The following EBF1 variants were observed in gnomAD, a reference collection of about 807,000 sequenced individuals.
The protein encoded by EBF1 is EBF transcription factor 1, also known as transcription factor COE1.
A neutral mutation model predicts 68.4 loss-of-function variants in EBF1; 10 were observed. The ratio of observed to expected loss-of-function variants is 0.15; its 90% CI spans 0.09 to 0.25. The LOEUF (loss-of-function observed/expected upper bound fraction) is 0.25. EBF1 is among the 10% of genes least tolerant of loss of function. The pLI is 1.00. For missense variants in EBF1, 509 were observed against 794.4 expected (o/e 0.64, Z 4.32); for synonymous variants, 298 against 299.8 (o/e 0.99, Z 0.06).
chr5:158,911,491 A>G (rs1008382632), intron 6 of EBF1, among the ~76,000 whole-genome samples: 3 of 152,136 alleles, frequency 2.0e-5, no homozygotes, highest in East Asian at 3.8e-4. Context: ...GTTTTTAATC[A>G]TCTATCATCC....
intron 5 of EBF1, among the ~76,000 whole-genome samples, chr5:159,084,155 A>C (rs991088269): frequency 2.0e-5 from 3 of 151,946 alleles, no homozygotes; most frequent in African/African-American, 7.3e-5. Context: ...ATAAGAGGTG[A>C]GATGCAAGAG....
intron 6 of EBF1, among the ~76,000 whole-genome samples, chr5:158,960,632 G>A (rs1817995091): frequency 6.6e-6 from 1 of 152,210 alleles, no homozygotes; most frequent in East Asian, 1.9e-4. Flanking sequence ...TCTTCAAGAG[G>A]TGGAACTTCG....
intron 9 of EBF1, among the ~76,000 whole-genome samples, chr5:158,786,015 ATT>A: frequency 6.6e-6 from 1 of 152,328 alleles, no homozygotes; most frequent in Middle Eastern, 3.4e-3. Context: ...ATACTTGAAC[ATT>A]GAATGAATAA....
intron 8 of EBF1, among the ~76,000 whole-genome samples, chr5:158,811,463 G>T (rs1782652567): frequency 6.6e-6 from 1 of 152,182 alleles, no homozygotes; most frequent in Non-Finnish European, 1.5e-5. Flanking sequence ...AGATTCAAAA[G>T]CTGCAGATAA....
At chr5:158,873,406 C>T (rs532098787) in intron 6 of EBF1, among the ~76,000 whole-genome samples, 1 of 152,110 alleles carries the variant, frequency 6.6e-6, no homozygotes, top group African/African-American at 2.4e-5. Flanking sequence ...CCACAGTGTT[C>T]CCTGAACTTC....
chr5:158,990,404 A>T (rs1760084961), intron 6 of EBF1, among the ~76,000 whole-genome samples: 1 of 152,196 alleles, frequency 6.6e-6, no homozygotes, highest in East Asian at 1.9e-4. Flanking sequence ...GGAGGAATGG[A>T]TTAGAGGAGG....
chr5:159,064,540 G>T (rs771481396), intron 6 of EBF1, among the ~76,000 whole-genome samples: 1 of 152,094 alleles, frequency 6.6e-6, no homozygotes, highest in South Asian at 2.1e-4. Flanking sequence ...GCTCTAAAAC[G>T]CTGGAAGTGC....
intron 6 of EBF1, among the ~76,000 whole-genome samples, chr5:158,928,130 C>T (rs1810067173): frequency 6.6e-6 from 1 of 152,168 alleles, no homozygotes; most frequent in African/African-American, 2.4e-5. Flanking sequence ...GTGTCAGATA[C>T]ATAAGGGTTC....
intron 6 of EBF1, among the ~76,000 whole-genome samples, chr5:158,886,163 C>T (rs1435509132): frequency 6.6e-6 from 1 of 152,208 alleles, no homozygotes; most frequent in Non-Finnish European, 1.5e-5. Context: ...GTCTATGCAG[C>T]CTGTTAGAAG....
At chr5:158,928,395 T>C (rs1343330314) in intron 6 of EBF1, among the ~76,000 whole-genome samples, 1 of 152,210 alleles carries the variant, frequency 6.6e-6, no homozygotes, top group East Asian at 1.9e-4. Flanking sequence ...CTTATCACAT[T>C]CAGCTTTAAA....
intron 6 of EBF1, among the ~76,000 whole-genome samples, chr5:158,955,586 C>G (rs887732505): frequency 6.6e-6 from 1 of 152,214 alleles, no homozygotes; most frequent in Non-Finnish European, 1.5e-5. Context: ...CCATCCCATT[C>G]TTAATTGTCA....
Position 158,698,681 on chromosome 5 carries a change from T to A in EBF1, c.*430A>T. The A allele has an allele frequency of 4.7e-6, 1 of 212,414 alleles. No homozygotes were observed. 13.2% of individuals were successfully genotyped at this position (212,414 alleles called of 1,614,324 possible). A position where few individuals can be genotyped will look rare whatever the true frequency, so the allele number is the denominator to read the frequency against. On this transcript the variant is annotated 3_prime_UTR_variant, in exon 16 of 16. Transcript: ENST00000313708. ...TTTTTTTCTTTTTTTTTTTTTTTACTTTTTTGTAAATATCACCACTTCATT... is the reference window on the plus strand; with the variant it reads ...TTTTTTTCTTTTTTTTTTTTTTTACATTTTTGTAAATATCACCACTTCATT...
At chr5:158,744,967 A>C (rs887938891) in intron 10 of EBF1, among the ~76,000 whole-genome samples, 2 of 152,212 alleles carry the variant, frequency 1.3e-5, no homozygotes, top group African/African-American at 2.4e-5. Context: ...TTAATGACTT[A>C]AGGTACCCAG....
At chr5:159,022,308 C>T (rs1006865574) in intron 6 of EBF1, among the ~76,000 whole-genome samples, 3 of 152,198 alleles carry the variant, frequency 2.0e-5, no homozygotes, top group East Asian at 1.9e-4. Context: ...CTGATGGCTA[C>T]CCGGCCGCCT....
chr5:158,948,037 T>C (rs1291030724), intron 6 of EBF1, among the ~76,000 whole-genome samples: 1 of 152,170 alleles, frequency 6.6e-6, no homozygotes, highest in Non-Finnish European at 1.5e-5. Context: ...AATCCCCCAT[T>C]CCTAGAGGGT....
chr5:158,699,158 C>T lies in EBF1; in HGVS notation c.1745-16G>A. The T allele has an allele frequency of 1.3e-6, 2 of 1,596,166 alleles. No individual in the cohort carries two copies. Among genetic ancestry groups the T allele is most frequent in the South Asian group, 2.3e-5 (2 of 87,656 alleles). On this transcript the variant is annotated splice_polypyrimidine_tract_variant and intron_variant, in intron 15 of 15. Coordinates refer to ENST00000313708, the MANE Select transcript of EBF1 (RefSeq NM_024007.5). ...CCAGATATCGCTATGAAAGAAAAGA[C>T]AGAAGTCAATGGTTTCTTTGCGTTC...
At chr5:158,942,410 A>G (rs1445664786) in intron 6 of EBF1, among the ~76,000 whole-genome samples, 1 of 152,200 alleles carries the variant, frequency 6.6e-6, no homozygotes, top group African/African-American at 2.4e-5. Flanking sequence ...TAGCTTTACA[A>G]AGTTTATTTA....
intron 9 of EBF1, among the ~76,000 whole-genome samples, chr5:158,783,105 T>C (rs969043544): frequency 6.6e-6 from 1 of 152,222 alleles, no homozygotes; most frequent in Non-Finnish European, 1.5e-5. Context: ...TGTTTATTTC[T>C]GGACTGATAA....
intron 4 of EBF1, among the ~76,000 whole-genome samples, chr5:159,086,375 T>C (rs1166818730): frequency 6.6e-6 from 1 of 152,170 alleles, no homozygotes; most frequent in African/African-American, 2.4e-5. Context: ...CTACAGACCC[T>C]ACTGAGATTC....
Sources: gnomAD v4.1 joint callset for allele counts (sites outside exome capture counted in the v4.1 genomes callset) on GRCh38, gnomAD v4.1.1 for gene constraint, MANE v1.5 for transcripts, NCBI Gene and HGNC (gene_info 2026-07-23, HGNC 2026-07-21) for gene names.